The following ANTXRL variants were observed in gnomAD, a reference collection of about 807,000 sequenced individuals.
The protein encoded by ANTXRL is anthrax toxin receptor-like.
ANTXRL carries 63 observed loss-of-function variants against 75.4 expected under a neutral mutation model. The observed-to-expected ratio is 0.84, with a 90% confidence interval of 0.68 to 1.03. The LOEUF (loss-of-function observed/expected upper bound fraction) is 1.03, where lower values mean the gene tolerates loss of function less well. Among genes scored for constraint, ANTXRL ranks in the 50% least tolerant of loss-of-function variants. ANTXRL has a pLI of 0.00. For synonymous variants in ANTXRL, 335 were observed against 291.3 expected, an observed-to-expected ratio of 1.15 and a Z score of -1.53; for missense variants, 797 against 789.4, an observed-to-expected ratio of 1.01 and a Z score of -0.12.
At position 46,307,470 on chromosome 10, in the gene ANTXRL, G is replaced by C. The variant is rs1554962230; in HGVS notation, c.1034G>C (p.Ser345Thr). The change falls in exon 12 of 17, where the codon AGC becomes ACC. Residue 345 changes from serine to threonine, a missense_variant. By Grantham distance (58) the Ser-to-Thr change is moderately conservative. Coordinates refer to ENST00000620264, the MANE Select transcript of ANTXRL (RefSeq NM_001278688.3). ...TFFKSNVSIT[S>T]TTCGIFRNWL... ...TTCAAGAGCAATGTCAGCATCACCA[G>C]CACCACATGTGTGAGTACCAGCATG... 14 of 1,536,154 alleles carry C rather than the reference G, an allele frequency of 9.1e-6. No homozygotes were observed. The East Asian group carries it at 3.2e-4, about 35-fold the overall frequency.
intron 13 of ANTXRL, among the ~76,000 whole-genome samples, chr10:46,309,794 C>T (rs1838315374): frequency 6.6e-6 from 1 of 152,140 alleles, no homozygotes; most frequent in Non-Finnish European, 1.5e-5. Context: ...ACAGGCAGCT[C>T]ACAGTTCTGT....
Position 46,310,505 on chromosome 10 carries a change from T to C in ANTXRL, c.1173+6T>C. 1 of 1,536,176 alleles carries C rather than the reference T, an allele frequency of 6.5e-7. No homozygotes were observed. The highest frequency in any genetic ancestry group is 2.4e-5 in the East Asian group (1 of 40,906). ...CTGTGCAGAAGCCAGAAAAGGTAAG[T>C]TGCAGTTCTGGTCCCGATATTGTCA... On this transcript the variant is annotated splice_donor_region_variant and intron_variant, in intron 14 of 16. Transcript: ENST00000620264.
chr10:46,287,327 C>A lies in ANTXRL; in HGVS notation c.65C>A (p.Pro22Gln). Residue 22 changes from proline (P) to glutamine (Q), a missense_variant, in exon 1 of 17, where the codon CCA (proline) becomes CAA (glutamine). Physicochemically the swap from Pro to Gln is moderately conservative, Grantham distance 76 (BLOSUM62 -1). Around this residue, in one of 3 missense-constraint regions of ANTXRL, gnomAD observed 262 missense variants for 271.9 expected, o/e 0.96. Coordinates refer to ENST00000620264, the MANE Select transcript of ANTXRL (RefSeq NM_001278688.3). Reference sequence around the variant, plus strand: ...TTCCTGCTGCTGCTGCTGCTTCCTCCACCGCTTTTTAGAGCAGGAAGCCTT... The same window carrying A: ...TTCCTGCTGCTGCTGCTGCTTCCTCAACCGCTTTTTAGAGCAGGAAGCCTT... ...LVFLLLLLLP[P>Q]PLFRAGSLRY... 6.5e-7 allele frequency: 1 copy of A among 1,536,014 alleles called. No individual in the cohort carries two copies. Among genetic ancestry groups the A allele is most frequent in the Non-Finnish European group, 8.7e-7 (1 of 1,146,772 alleles).
At chr10:46,308,983 C>T (rs548635430) in intron 12 of ANTXRL, 130 bp from the exon 13 acceptor site, 1 of 1,305,556 alleles carries the variant, frequency 7.7e-7, no homozygotes, top group South Asian at 1.4e-5. Flanking sequence ...GCCCTGGCCG[C>T]TGGCCCCACT....
chr10:46,311,437 GAC>G, intron 14 of ANTXRL, 71 bp from the exon 15 acceptor site: 1 of 1,426,018 alleles, frequency 7.0e-7, no homozygotes, highest in African/African-American at 1.5e-5. Context: ...TCATTCCCCA[GAC>G]ACACATCTGG....
At chr10:46,301,028 AAT>A (rs1207993367) in intron 9 of ANTXRL, among the ~76,000 whole-genome samples, 2 of 150,092 alleles carry the variant, frequency 1.3e-5, no homozygotes, top group African/African-American at 4.9e-5. Flanking sequence ...AAAAAAAAAA[AAT>A]GCTTGCTTGC....
intron 10 of ANTXRL, among the ~76,000 whole-genome samples, chr10:46,304,168 G>A (rs1381789558): frequency 6.6e-6 from 1 of 152,124 alleles, no homozygotes; most frequent in Non-Finnish European, 1.5e-5. Flanking sequence ...TGCTTACTGA[G>A]CACTTATATC....
intron 16 of ANTXRL, among the ~76,000 whole-genome samples, chr10:46,320,100 C>T (rs111920703): frequency 6.6e-6 from 1 of 152,108 alleles, no homozygotes; most frequent in Admixed American, 6.5e-5. Flanking sequence ...CAAATACCTT[C>T]CCATGAAAGT....
chr10:46,302,538 C>G (rs1837817009), intron 9 of ANTXRL, among the ~76,000 whole-genome samples, 184 bp from the exon 10 acceptor site: 1 of 152,076 alleles, frequency 6.6e-6, no homozygotes, highest in African/African-American at 2.4e-5. Context: ...CCTCCTGGAC[C>G]CTCAGTGACA....
At chr10:46,291,392 AT>A (rs11395700) in intron 1 of ANTXRL, among the ~76,000 whole-genome samples, 24 of 149,676 alleles carry the variant, frequency 1.6e-4, no homozygotes, top group East Asian at 1.4e-3. Context: ...TCTTTTTCAG[AT>A]TTTTTTTTTT....
intron 16 of ANTXRL, among the ~76,000 whole-genome samples, chr10:46,316,789 G>GA (rs1311068125): frequency 2.6e-5 from 4 of 152,136 alleles, no homozygotes; most frequent in Non-Finnish European, 4.4e-5. Context: ...ATGCTGATCA[G>GA]AAAAAAATCC....
chr10:46,298,638 T>C (rs1168431666), intron 9 of ANTXRL, among the ~76,000 whole-genome samples: 2 of 151,428 alleles, frequency 1.3e-5, no homozygotes, highest in African/African-American at 4.9e-5. Context: ...GGGTGTCTGG[T>C]GTGCAGGTAT....
In ANTXRL at chr10:46,311,507, T is replaced by C. The variant is rs1838419314; in HGVS notation, c.1174-3T>C. ...GAGCAGACAGTTGTTTTTCTTTTTT[T>C]AGGAGCCAGAGCAGGAAAAACCACC... is the stretch of plus-strand genomic sequence containing the variant. On this transcript the variant is annotated splice_polypyrimidine_tract_variant and splice_region_variant and intron_variant, in intron 14 of 16. Transcript: ENST00000620264. 4 of 1,528,814 alleles carry C rather than the reference T, an allele frequency of 2.6e-6. No homozygotes were observed. Among genetic ancestry groups the C allele is most frequent in the Middle Eastern group, 1.7e-4 (1 of 5,946 alleles). The allele number at this position is 1,528,814 out of a possible 1,614,324, so 94.7% of individuals were successfully genotyped here.
At chr10:46,291,516 TA>T (rs1836982757) in intron 1 of ANTXRL, among the ~76,000 whole-genome samples, 1 of 152,150 alleles carries the variant, frequency 6.6e-6, no homozygotes, top group Non-Finnish European at 1.5e-5. Flanking sequence ...ATCTTAACAA[TA>T]TTATTATTGT....
chr10:46,303,023 A>G (rs1287379180), intron 10 of ANTXRL, among the ~76,000 whole-genome samples: 1 of 152,054 alleles, frequency 6.6e-6, no homozygotes, highest in African/African-American at 2.4e-5. Context: ...TAACAAATCC[A>G]TCTGTGCCTC....
intron 1 of ANTXRL, among the ~76,000 whole-genome samples, chr10:46,291,710 A>G (rs1215536174): frequency 6.6e-6 from 1 of 151,896 alleles, no homozygotes; most frequent in Non-Finnish European, 1.5e-5. Flanking sequence ...CTATATTTGG[A>G]TTGTTCACTG....
chr10:46,316,701 A>C (rs1838743591), intron 16 of ANTXRL, among the ~76,000 whole-genome samples: 1 of 152,160 alleles, frequency 6.6e-6, no homozygotes, highest in African/African-American at 2.4e-5. Flanking sequence ...GCATCTCTCT[A>C]CAGTGCAAAA....
Position 46,306,888 on chromosome 10 carries a change from A to C in ANTXRL, c.965+16A>C, listed in dbSNP as rs1388151410. ...AACCTGGAGAGTAAGTGCCCCTGGCAGGAGGCTAGAGGGCAAGAGACCAGG... is the reference window on the plus strand; with the variant it reads ...AACCTGGAGAGTAAGTGCCCCTGGCCGGAGGCTAGAGGGCAAGAGACCAGG... On this transcript the variant is annotated intron_variant, in intron 11 of 16. Coordinates refer to ENST00000620264, the MANE Select transcript of ANTXRL (RefSeq NM_001278688.3). 3 of 1,514,838 alleles carry C rather than the reference A, an allele frequency of 2.0e-6. No homozygotes were observed. In the African/African-American group the frequency reaches 4.2e-5, roughly 21 times the overall value. 93.8% of individuals were successfully genotyped at this position (1,514,838 alleles called of 1,614,324 possible). A position where few individuals can be genotyped will look rare whatever the true frequency, so the allele number is the denominator to read the frequency against.
chr10:46,294,961 G>A (rs1188685246), intron 3 of ANTXRL, among the ~76,000 whole-genome samples: 1 of 152,080 alleles, frequency 6.6e-6, no homozygotes, highest in Non-Finnish European at 1.5e-5. Context: ...GAATTAGCCT[G>A]ACCCTAAGTC....
Sources: gnomAD v4.1 joint callset for allele counts (sites outside exome capture counted in the v4.1 genomes callset) on GRCh38, gnomAD v4.1.1 for gene constraint, gnomAD v4.1.1 regional missense constraint, MANE v1.5 for transcripts, NCBI Gene and HGNC (gene_info 2026-07-23, HGNC 2026-07-21) for gene names.